Variants in FUT8 observed in about 807,000 individuals in gnomAD.
The protein encoded by FUT8 is fucosyltransferase 8.
Under a neutral mutation model 71.3 loss-of-function variants are expected in FUT8, and 29 were observed. The observed-to-expected ratio is 0.41, with a 90% CI of 0.30 to 0.55. FUT8 has a LOEUF of 0.55. Among genes scored for constraint, FUT8 ranks in the 20% least tolerant of loss-of-function variants. FUT8 has a pLI of 0.34. For missense variants in FUT8, 544 were observed against 702.1 expected, an observed-to-expected ratio of 0.77 and a Z score of 2.55; for synonymous variants, 254 against 239.3, an observed-to-expected ratio of 1.06 and a Z score of -0.57.
In FUT8 at chr14:65,650,728, AAC is replaced by A. The variant is rs1431886747; in HGVS notation, c.598-18513_598-18512del. Among the ~76,000 whole-genome samples, 441 of 139,606 alleles carry A rather than the reference AAC, an allele frequency of 3.2e-3. 6 individuals carry two copies. The highest frequency in any genetic ancestry group is 0.01 in the African/African-American group (399 of 38,894). 91.6% of individuals were successfully genotyped at this position (139,606 alleles called of 152,430 possible). ...ATTACAAAAAAAAAAAAAAAAAAAA[AAC>A]AAAAAAAACCACAAACTTGTAATTT... On this transcript the variant is annotated intron_variant, in intron 6 of 10. Coordinates refer to ENST00000673929, the MANE Select transcript of FUT8 (RefSeq NM_001371533.1).
chr14:65,712,455 C>T (rs150392358), intron 7 of FUT8, among the ~76,000 whole-genome samples: 13 of 152,118 alleles, frequency 8.5e-5, no homozygotes, highest in Admixed American at 8.5e-4. Context: ...GTGGTAGTTG[C>T]GTTTTTGAGA....
intron 2 of FUT8, among the ~76,000 whole-genome samples, chr14:65,471,486 G>A (rs1174422622): frequency 6.6e-6 from 1 of 151,980 alleles, no homozygotes; most frequent in East Asian, 1.9e-4. Context: ...GGCTCCTGGA[G>A]GTAAAACTCA....
intron 2 of FUT8, among the ~76,000 whole-genome samples, chr14:65,539,733 C>G (rs1001700911): frequency 2.0e-5 from 3 of 152,114 alleles, no homozygotes; most frequent in African/African-American, 7.2e-5. Context: ...AAGTAAAACA[C>G]TTTGTACAGG....
At chr14:65,494,748 A>G (rs2066534163) in intron 2 of FUT8, among the ~76,000 whole-genome samples, 1 of 152,068 alleles carries the variant, frequency 6.6e-6, no homozygotes, top group Non-Finnish European at 1.5e-5. Context: ...TTGTCTGAGG[A>G]ATGAAACTAT....
At chr14:65,433,020 GATCTGGATTAGGACCCCT>G (rs2065500287) in intron 1 of FUT8, among the ~76,000 whole-genome samples, 1 of 152,010 alleles carries the variant, frequency 6.6e-6, no homozygotes, top group South Asian at 2.1e-4. Context: ...CCTCTCTTGG[GATCTGGATTAGGACCCCT>G]TTCCTGTAAC....
At chr14:65,728,918 C>T (rs551931310) in intron 9 of FUT8, among the ~76,000 whole-genome samples, 17 of 151,874 alleles carry the variant, frequency 1.1e-4, no homozygotes, top group Middle Eastern at 6.8e-3. Context: ...AACATATCCT[C>T]GTTGTTAACT....
chr14:65,366,068 C>T, the FUT8 span, among the ~76,000 whole-genome samples: 17,270 of 152,130 alleles, frequency 0.11, 1,407 homozygotes, highest in East Asian at 0.48. Context: ...TTCTTTCTTG[C>T]ACAAGATCCA....
chr14:65,385,832 G>A, the FUT8 span, among the ~76,000 whole-genome samples: 1 of 151,966 alleles, frequency 6.6e-6, no homozygotes, highest in Non-Finnish European at 1.5e-5. Context: ...GTGAGCCACG[G>A]CACCCAGCCT....
chr14:65,703,723 G>A (rs1869323428), intron 7 of FUT8, among the ~76,000 whole-genome samples: 1 of 152,222 alleles, frequency 6.6e-6, no homozygotes, highest in South Asian at 2.1e-4. Context: ...GAGTGTGATG[G>A]TAGGGTGACC....
chr14:65,362,175 C>G, the FUT8 span, among the ~76,000 whole-genome samples: 2 of 152,210 alleles, frequency 1.3e-5, no homozygotes, highest in Admixed American at 1.3e-4. Context: ...TGCTGTTTTA[C>G]AATCTATGAT....
intron 2 of FUT8, among the ~76,000 whole-genome samples, chr14:65,459,609 A>G (rs2065943412): frequency 6.6e-6 from 1 of 152,202 alleles, no homozygotes; most frequent in African/African-American, 2.4e-5. Context: ...AGAGAGAATG[A>G]TGAGTAAAAT....
intron 7 of FUT8, among the ~76,000 whole-genome samples, chr14:65,673,918 T>C (rs1483844870): frequency 6.6e-6 from 1 of 152,172 alleles, no homozygotes; most frequent in East Asian, 1.9e-4. Context: ...GGAAAATCTT[T>C]AGCAAGTAGA....
chr14:65,598,500 C>T (rs1888120015), intron 3 of FUT8, among the ~76,000 whole-genome samples: 1 of 152,062 alleles, frequency 6.6e-6, no homozygotes. Context: ...GGATTGCAGG[C>T]GTGAGCCACT....
chr14:65,616,226 A>T lies in FUT8; in HGVS notation c.335A>T (p.His112Leu). 1 of 1,606,524 alleles carries T rather than the reference A, an allele frequency of 6.2e-7. No homozygotes were observed. Among genetic ancestry groups the T allele is most frequent in the Non-Finnish European group, 8.5e-7 (1 of 1,176,892 alleles). The change falls in exon 5 of 11, where the codon CAT becomes CTT. Residue 112 changes from histidine (H) to leucine (L), a missense_variant. Physicochemically the swap from His to Leu is moderately conservative, Grantham distance 99. Coordinates refer to ENST00000673929, the MANE Select transcript of FUT8 (RefSeq NM_001371533.1). ...KQTRNGLGKD[H>L]EILRRRIENG... ...TTGACTACAGGTCTGGGGAAGGATC[A>T]TGAAATCCTGAGGAGGAGGATTGAA...
At chr14:65,490,522 A>G (rs981776413) in intron 2 of FUT8, among the ~76,000 whole-genome samples, 1 of 152,146 alleles carries the variant, frequency 6.6e-6, no homozygotes, top group East Asian at 1.9e-4. Flanking sequence ...TTGACTGGAA[A>G]CATTTACAAA....
intron 1 of FUT8, among the ~76,000 whole-genome samples, chr14:65,429,564 T>A (rs186659967): frequency 3.9e-4 from 60 of 152,282 alleles, no homozygotes; most frequent in South Asian, 1.5e-3. Flanking sequence ...ATAAACATTA[T>A]ATTAAGACTT....
chr14:65,548,165 G>A (rs1885080919), intron 2 of FUT8, among the ~76,000 whole-genome samples: 1 of 152,006 alleles, frequency 6.6e-6, no homozygotes. Flanking sequence ...CAGAATTGAT[G>A]GGTCCTTTTT....
intron 1 of FUT8, among the ~76,000 whole-genome samples, chr14:65,454,790 T>G (rs928721087): frequency 3.9e-5 from 6 of 152,216 alleles, no homozygotes; most frequent in African/African-American, 1.4e-4. Flanking sequence ...AGTGAACATT[T>G]GATGTGCGAA....
chr14:65,403,421 C>G, the FUT8 span, among the ~76,000 whole-genome samples: 1 of 152,176 alleles, frequency 6.6e-6, no homozygotes, highest in African/African-American at 2.4e-5. Context: ...AAGATCCTGA[C>G]TAACCAGAGG....
Sources: gnomAD v4.1 joint callset for allele counts (sites outside exome capture counted in the v4.1 genomes callset) on GRCh38, gnomAD v4.1.1 for gene constraint, MANE v1.5 for transcripts, NCBI Gene and HGNC (gene_info 2026-07-23, HGNC 2026-07-21) for gene names.